CADM2: variants seen among roughly 807,000 people sequenced by gnomAD.
CADM2 encodes the protein immunoglobulin superfamily member 4D.
A neutral mutation model predicts 49.8 loss-of-function variants in CADM2; 12 were observed. The observed-to-expected ratio is 0.24, with a 90% CI of 0.15 to 0.39. The LOEUF is 0.39. Ranked by LOEUF, CADM2 falls within the 10% of genes least tolerant of loss-of-function variation. The pLI, the probability that CADM2 is intolerant of heterozygous loss-of-function variation, is 1.00. For missense variants in CADM2, 378 were observed against 492.3 expected, an observed-to-expected ratio of 0.77 and a Z score of 2.20; for synonymous variants, 214 against 175.4, an observed-to-expected ratio of 1.22 and a Z score of -1.74.
intron 1 of CADM2, among the ~76,000 whole-genome samples, chr3:85,638,164 CTTGAA>C (rs1205209526): frequency 4.6e-5 from 7 of 152,132 alleles, no homozygotes; most frequent in Non-Finnish European, 1.0e-4. Flanking sequence ...CTCCTGAACA[CTTGAA>C]TTAAGTCAGA....
At chr3:85,906,229 T>C (rs1716792464) in intron 5 of CADM2, among the ~76,000 whole-genome samples, 1 of 152,096 alleles carries the variant, frequency 6.6e-6, no homozygotes, top group South Asian at 2.1e-4. Context: ...TGTAGACAAA[T>C]ATAGAGCCCA....
chr3:85,806,389 C>T (rs1347397046), intron 3 of CADM2, among the ~76,000 whole-genome samples: 2 of 152,162 alleles, frequency 1.3e-5, no homozygotes, highest in East Asian at 3.9e-4. Flanking sequence ...CGTAGCATTT[C>T]ATGCTACCTG....
Position 85,462,258 on chromosome 3 carries a change from A to G in CADM2, c.62-264264A>G, listed in dbSNP as rs1199095397. ...ATTTGAAACATTGTTACTTCAGCCT[A>G]TGAATTAGCCTCATGTGAATTTAAC... is the stretch of plus-strand genomic sequence containing the variant. On this transcript the variant is annotated intron_variant, in intron 1 of 9. Coordinates refer to ENST00000383699, the MANE Select transcript of CADM2 (RefSeq NM_001167675.2). Among the ~76,000 whole-genome samples the G allele has an allele frequency of 2.0e-5, 3 of 152,170 alleles. No individual in the cohort carries two copies. In the East Asian group the frequency reaches 5.8e-4, roughly 29 times the overall value.
intron 1 of CADM2, among the ~76,000 whole-genome samples, chr3:85,162,983 G>A (rs1030769345): frequency 6.6e-6 from 1 of 151,884 alleles, no homozygotes; most frequent in African/African-American, 2.4e-5. Context: ...ACAATTTGAT[G>A]ATCATCTACC....
chr3:85,487,089 C>A (rs948408263), intron 1 of CADM2, among the ~76,000 whole-genome samples: 1 of 152,126 alleles, frequency 6.6e-6, no homozygotes, highest in Non-Finnish European at 1.5e-5. Flanking sequence ...CTTTCCATTT[C>A]CCCCAATACT....
chr3:86,009,921 C>G (rs1165222888), intron 8 of CADM2, among the ~76,000 whole-genome samples: 1 of 151,720 alleles, frequency 6.6e-6, no homozygotes, highest in Non-Finnish European at 1.5e-5. Context: ...GGGGGTAACA[C>G]AACACAATTT....
At chr3:85,132,777 A>G (rs1234450453) in intron 1 of CADM2, among the ~76,000 whole-genome samples, 1 of 152,190 alleles carries the variant, frequency 6.6e-6, no homozygotes, top group Non-Finnish European at 1.5e-5. Flanking sequence ...GAGGAAACTA[A>G]CATAAGGGAA....
intron 1 of CADM2, among the ~76,000 whole-genome samples, chr3:85,288,103 T>A (rs1393698792): frequency 6.7e-6 from 1 of 149,196 alleles, no homozygotes; most frequent in Non-Finnish European, 1.5e-5. Flanking sequence ...ATAATAATAA[T>A]AAAATTAAAA....
In CADM2 at chr3:85,609,924, T is replaced by C. The variant is rs1265776019; in HGVS notation, c.62-116598T>C. On this transcript the variant is annotated intron_variant, in intron 1 of 9. Coordinates refer to ENST00000383699, the MANE Select transcript of CADM2 (RefSeq NM_001167675.2). ...GAAGAAGGAATAGTCTTTGTGCGTA[T>C]GTGTTAGCAAAGAGGCACTACATTT... 3.9e-5 allele frequency among the ~76,000 whole-genome samples: 6 copies of C among 152,178 alleles called. No homozygotes were observed. In the South Asian group the frequency reaches 1.2e-3, roughly 31 times the overall value.
chr3:85,027,354 T>A (rs1330786290), intron 1 of CADM2, among the ~76,000 whole-genome samples: 1 of 151,868 alleles, frequency 6.6e-6, no homozygotes, highest in Non-Finnish European at 1.5e-5. Flanking sequence ...GACTTCGTGA[T>A]CCCACCTTGG....
At chr3:85,940,999 T>C (rs1160398678) in intron 7 of CADM2, among the ~76,000 whole-genome samples, 2 of 152,090 alleles carry the variant, frequency 1.3e-5, no homozygotes, top group African/African-American at 4.8e-5. Flanking sequence ...GTAATCAATG[T>C]ACCTACACTG....
chr3:85,731,554 A>G (rs2067929513), intron 2 of CADM2, among the ~76,000 whole-genome samples: 1 of 152,156 alleles, frequency 6.6e-6, no homozygotes, highest in Non-Finnish European at 1.5e-5. Flanking sequence ...AAAATGAACA[A>G]ACACAAAAAC....
At chr3:85,687,283 T>A (rs2066245270) in intron 1 of CADM2, among the ~76,000 whole-genome samples, 2 of 152,186 alleles carry the variant, frequency 1.3e-5, no homozygotes, top group Non-Finnish European at 2.9e-5. Flanking sequence ...TACAGTTAGG[T>A]AGCTTAAAAG....
At chr3:85,425,764 T>A (rs1217782414) in intron 1 of CADM2, among the ~76,000 whole-genome samples, 2 of 152,000 alleles carry the variant, frequency 1.3e-5, no homozygotes, top group African/African-American at 2.4e-5. Flanking sequence ...AAAAGACAGT[T>A]TGAGAGATAA....
intron 1 of CADM2, among the ~76,000 whole-genome samples, chr3:85,137,369 A>T (rs1315049623): frequency 6.6e-6 from 1 of 151,990 alleles, no homozygotes; most frequent in Non-Finnish European, 1.5e-5. Context: ...GTGGTGGTTT[A>T]GCAGAATGTA....
chr3:85,001,021 A>G (rs73843259), intron 1 of CADM2, among the ~76,000 whole-genome samples: 7,265 of 152,162 alleles, frequency 0.048, 574 homozygotes, highest in African/African-American at 0.17. Flanking sequence ...AATGAGAAAC[A>G]TTGTGGATAT....
chr3:85,664,903 C>T (rs1344267487), intron 1 of CADM2, among the ~76,000 whole-genome samples: 1 of 151,976 alleles, frequency 6.6e-6, no homozygotes, highest in East Asian at 1.9e-4. Context: ...CCATTGCATT[C>T]ATCACTACTG....
intron 1 of CADM2, among the ~76,000 whole-genome samples, chr3:85,531,967 G>A (rs1469145262): frequency 6.6e-6 from 1 of 152,150 alleles, no homozygotes; most frequent in Non-Finnish European, 1.5e-5. Flanking sequence ...CACGAGGTCA[G>A]GAGATGGAGA....
intron 1 of CADM2, among the ~76,000 whole-genome samples, chr3:85,272,856 C>G (rs2043272493): frequency 6.6e-6 from 1 of 151,230 alleles, no homozygotes; most frequent in Non-Finnish European, 1.5e-5. Flanking sequence ...AGTCAGAACT[C>G]CCTGCTTCAC....
Sources: allele counts gnomAD v4.1 joint callset (sites outside exome capture counted in the v4.1 genomes callset), GRCh38; gene constraint gnomAD v4.1.1; transcripts MANE v1.5; gene names NCBI Gene and HGNC (gene_info 2026-07-23, HGNC 2026-07-21).